The following FNIP1 variants were observed in gnomAD, a reference collection of about 807,000 sequenced individuals.
FNIP1 encodes the protein folliculin interacting protein 1.
FNIP1 carries 40 observed loss-of-function variants against 124.5 expected under a neutral mutation model. The observed-to-expected ratio is 0.32, with a 90% confidence interval of 0.25 to 0.42. The LOEUF (loss-of-function observed/expected upper bound fraction) is 0.42, where lower values mean the gene tolerates loss of function less well. Among genes scored for constraint, FNIP1 ranks in the 10% least tolerant of loss-of-function variants. FNIP1 has a pLI of 1.00. For missense variants in FNIP1, 1,176 were observed against 1,403.7 expected (o/e 0.84, Z 2.59); for synonymous variants, 472 against 470.6 (o/e 1.00, Z -0.04).
intron 15 of FNIP1, among the ~76,000 whole-genome samples, chr5:131,657,594 C>T (rs1459344112): frequency 6.6e-6 from 1 of 151,912 alleles, no homozygotes; most frequent in Non-Finnish European, 1.5e-5. Flanking sequence ...TAGAAGATGC[C>T]ATTGCTGTTA....
intron 1 of FNIP1, 162 bp downstream of exon 1, chr5:131,796,668 C>T: frequency 1.6e-6 from 1 of 642,898 alleles, no homozygotes; most frequent in Non-Finnish European, 2.6e-6. Context: ...TCGCTCCAAC[C>T]CTTCGGCGCT....
In FNIP1 at chr5:131,793,568, T is replaced by G. The variant is rs554749395; in HGVS notation, c.92+3262A>C. On this transcript the variant is annotated intron_variant, in intron 1 of 17. Coordinates refer to ENST00000510461, the MANE Select transcript of FNIP1 (RefSeq NM_133372.3). Reference sequence around the variant, plus strand: ...AGCTCAAGAATCTTAGATAAGCACATAGAAATCGATATGGTAAGAGACCTT... The same window carrying G: ...AGCTCAAGAATCTTAGATAAGCACAGAGAAATCGATATGGTAAGAGACCTT... 5.9e-5 allele frequency among the ~76,000 whole-genome samples: 9 copies of G among 152,228 alleles called. No homozygotes were observed. In the East Asian group the frequency reaches 9.6e-4, roughly 16 times the overall value.
At position 131,738,812 on chromosome 5, in the gene FNIP1, C is replaced by CT. The variant is rs71806851; in HGVS notation, c.219+5751dup. On this transcript the variant is annotated intron_variant, in intron 2 of 17. Transcript: ENST00000510461. Reference sequence around the variant, plus strand: ...ACAGGCATGAGCCACTGCATCCGGCCTTTTTTTTTTTTTTGGCCAGCGGGG... The same window carrying CT: ...ACAGGCATGAGCCACTGCATCCGGCCTTTTTTTTTTTTTTTGGCCAGCGGGG... Among the ~76,000 whole-genome samples, 274 of 139,942 alleles carry CT rather than the reference C, an allele frequency of 2.0e-3. 1 individual carries two copies. The highest frequency in any genetic ancestry group is 4.8e-3 in the Admixed American group (68 of 14,080). The allele number at this position is 139,942 out of a possible 152,430, so 91.8% of individuals were successfully genotyped here.
intron 15 of FNIP1, among the ~76,000 whole-genome samples, chr5:131,669,578 C>A (rs913012554): frequency 4.6e-5 from 7 of 151,814 alleles, no homozygotes; most frequent in African/African-American, 1.7e-4. Context: ...TGAAAAATGA[C>A]ACGACAATAC....
intron 6 of FNIP1, among the ~76,000 whole-genome samples, chr5:131,715,335 A>C (rs1026266923): frequency 6.6e-6 from 1 of 152,016 alleles, no homozygotes; most frequent in Non-Finnish European, 1.5e-5. Flanking sequence ...AAAATACAAA[A>C]ATCAGCCGGG....
chr5:131,790,529 A>C (rs1772375851), intron 1 of FNIP1, among the ~76,000 whole-genome samples: 1 of 149,784 alleles, frequency 6.7e-6, no homozygotes, highest in African/African-American at 2.4e-5. Context: ...CTCCAGCCAA[A>C]AACCTAGGCA....
intron 15 of FNIP1, among the ~76,000 whole-genome samples, chr5:131,656,257 T>C (rs987756765): frequency 1.3e-5 from 2 of 152,192 alleles, no homozygotes; most frequent in Non-Finnish European, 2.9e-5. Flanking sequence ...CAAGAAAAAC[T>C]TGAATGGCTT....
intron 15 of FNIP1, among the ~76,000 whole-genome samples, chr5:131,664,955 G>C (rs1767551128): frequency 6.6e-6 from 1 of 150,620 alleles, no homozygotes. Flanking sequence ...TATATAAAAT[G>C]ATATGCTTGT....
At position 131,786,205 on chromosome 5, in the gene FNIP1, T is replaced by C. The variant is rs111444919; in HGVS notation, c.92+10625A>G. On this transcript the variant is annotated intron_variant, in intron 1 of 17. Coordinates refer to ENST00000510461, the MANE Select transcript of FNIP1 (RefSeq NM_133372.3). ...AACTTTTTCAGTTCAGTGACTATTT[T>C]TATTCATTTGTTCATTCATCAAATA... Among the ~76,000 whole-genome samples, 949 of 152,360 alleles carry C rather than the reference T, an allele frequency of 6.2e-3. 6 individuals carry two copies. Among genetic ancestry groups the C allele is most frequent in the African/African-American group, 0.022 (898 of 41,578 alleles).
chr5:131,644,868 A>T lies in FNIP1; in HGVS notation c.3423-105T>A. ...GTAAGGTCACTATACCTCAACGGTT[A>T]AGGAGCTAGGCCACTCTGGCCGAAA... is the stretch of plus-strand genomic sequence containing the variant. On this transcript the variant is annotated intron_variant, in intron 17 of 17. Transcript: ENST00000510461. 9.0e-6 allele frequency: 10 copies of T among 1,115,242 alleles called. No individual in the cohort carries two copies. The South Asian group carries it at 1.3e-4, about 15-fold the overall frequency. The allele number at this position is 1,115,242 out of a possible 1,614,324, so 69.1% of individuals were successfully genotyped here.
chr5:131,712,505 A>G (rs1249377983), intron 6 of FNIP1, among the ~76,000 whole-genome samples: 2 of 152,222 alleles, frequency 1.3e-5, no homozygotes, highest in African/African-American at 4.8e-5. Context: ...TTCAACGAAA[A>G]TATCACAAAA....
At chr5:131,747,613 G>A (rs749579823) in intron 1 of FNIP1, among the ~76,000 whole-genome samples, 49 of 152,096 alleles carry the variant, frequency 3.2e-4, no homozygotes, top group Non-Finnish European at 6.8e-4. Flanking sequence ...GAACTACCAC[G>A]GGAGTCACTA....
At chr5:131,723,556 T>G (rs951881445) in intron 3 of FNIP1, among the ~76,000 whole-genome samples, 1 of 152,176 alleles carries the variant, frequency 6.6e-6, no homozygotes, top group Non-Finnish European at 1.5e-5. Flanking sequence ...CAATGAAGCT[T>G]ATAATTAAAA....
chr5:131,778,403 C>A (rs938336805), intron 1 of FNIP1, among the ~76,000 whole-genome samples: 1 of 151,844 alleles, frequency 6.6e-6, no homozygotes, highest in Non-Finnish European at 1.5e-5. Flanking sequence ...AAATGCTCAT[C>A]ATCACTGGCC....
intron 16 of FNIP1, among the ~76,000 whole-genome samples, chr5:131,651,176 G>A (rs1767028020): frequency 6.6e-6 from 1 of 151,898 alleles, no homozygotes; most frequent in African/African-American, 2.4e-5. Flanking sequence ...GAACACTTGA[G>A]CCCAGAAGTC....
intron 2 of FNIP1, among the ~76,000 whole-genome samples, chr5:131,737,730 A>G (rs997231533): frequency 6.6e-6 from 1 of 152,190 alleles, no homozygotes; most frequent in African/African-American, 2.4e-5. Flanking sequence ...AGCTGCTGCT[A>G]TCATTATTAC....
chr5:131,758,790 C>A (rs1342208660), intron 1 of FNIP1, among the ~76,000 whole-genome samples: 3 of 152,056 alleles, frequency 2.0e-5, no homozygotes, highest in Non-Finnish European at 4.4e-5. Flanking sequence ...ACTCCTGTAA[C>A]ACACATTACT....
intron 2 of FNIP1, 78 bp from the exon 3 acceptor site, chr5:131,731,116 T>C (rs1770074367): frequency 1.5e-6 from 2 of 1,366,724 alleles, no homozygotes. Context: ...ATAAAAACCT[T>C]TGGAAAAACC....
At chr5:131,746,481 G>C (rs1179380500) in intron 1 of FNIP1, among the ~76,000 whole-genome samples, 2 of 152,132 alleles carry the variant, frequency 1.3e-5, no homozygotes, top group Non-Finnish European at 2.9e-5. Context: ...TTATGTCCAT[G>C]AGTATCCAAT....
Sources: allele counts gnomAD v4.1 joint callset (sites outside exome capture counted in the v4.1 genomes callset), GRCh38; gene constraint gnomAD v4.1.1; transcripts MANE v1.5; gene names NCBI Gene and HGNC (gene_info 2026-07-23, HGNC 2026-07-21).